Variants in CPXM2 observed in about 807,000 individuals in gnomAD.
The protein encoded by CPXM2 is carboxypeptidase X, M14 family member 2, also known as inactive carboxypeptidase-like protein X2.
CPXM2 carries 66 observed loss-of-function variants against 86.1 expected under a neutral mutation model. The ratio of observed to expected loss-of-function variants is 0.77; its 90% CI spans 0.63 to 0.94. CPXM2 has a LOEUF of 0.94. CPXM2 is among the 40% of genes least tolerant of loss of function. The pLI is 0.00. For missense variants in CPXM2, 948 were observed against 1,026.3 expected, an observed-to-expected ratio of 0.92 and a Z score of 1.04; for synonymous variants, 388 against 400.2, an observed-to-expected ratio of 0.97 and a Z score of 0.36.
At chr10:123,855,602 G>T (rs893806143) in intron 3 of CPXM2, among the ~76,000 whole-genome samples, 1 of 152,182 alleles carries the variant, frequency 6.6e-6, no homozygotes, top group African/African-American at 2.4e-5. Context: ...AGGGAGACAC[G>T]TACAGGACGT....
intron 3 of CPXM2, among the ~76,000 whole-genome samples, chr10:123,861,461 G>C (rs117030963): frequency 0.017 from 2,537 of 152,282 alleles, 37 homozygotes; most frequent in Non-Finnish European, 0.025. Context: ...AGATGTCCAC[G>C]CTCTAATCCG....
chr10:123,935,681 C>A (rs9702623), intron 2 of CPXM2, among the ~76,000 whole-genome samples: 92,068 of 152,036 alleles, frequency 0.61, 29,036 homozygotes, highest in African/African-American at 0.79. Context: ...AAAAATAGCC[C>A]AGACAAGGAT....
At chr10:123,862,574 AC>A (rs1848875044) in intron 3 of CPXM2, 39 bp downstream of exon 3, 4 of 1,563,376 alleles carry the variant, frequency 2.6e-6, no homozygotes, top group African/African-American at 1.4e-5. Flanking sequence ...AGAGCAATAA[AC>A]AAGGCAGTCA....
At chr10:123,930,533 G>A (rs1395726415) in intron 2 of CPXM2, among the ~76,000 whole-genome samples, 12 of 152,146 alleles carry the variant, frequency 7.9e-5, no homozygotes. Context: ...CCAGATTCCT[G>A]GACCCTGCTT....
Position 123,794,764 on chromosome 10 carries a change from TGTGTGC to T in CPXM2, c.889+3206_889+3211del, listed in dbSNP as rs1338423483. Among the ~76,000 whole-genome samples, 465 of 151,222 alleles carry T rather than the reference TGTGTGC, an allele frequency of 3.1e-3. 2 individuals are homozygous for T. Among genetic ancestry groups the T allele is most frequent in the African/African-American group, 0.011 (450 of 40,792 alleles). ...GTGTGTGTGTGTGTGTGTGTGTGTGTGTGTGCGCATGTGTGTGTGTATTTGAGACAG... is the reference window on the plus strand; with the variant it reads ...GTGTGTGTGTGTGTGTGTGTGTGTGTGCATGTGTGTGTGTATTTGAGACAG... On this transcript the variant is annotated intron_variant, in intron 6 of 13. Transcript: ENST00000241305.
At chr10:123,882,803 T>C (rs1182393921) in intron 1 of CPXM2, among the ~76,000 whole-genome samples, 1 of 101,950 alleles carries the variant, frequency 9.8e-6, no homozygotes, top group Admixed American at 1.4e-4. Context: ...CATAACACCA[T>C]GGCCTGAAAA....
intron 6 of CPXM2, among the ~76,000 whole-genome samples, chr10:123,785,934 A>T (rs1847044563): frequency 6.6e-6 from 1 of 152,152 alleles, no homozygotes; most frequent in African/African-American, 2.4e-5. Context: ...CGCCCAGCCC[A>T]CTTTAGCTTC....
At position 123,865,631 on chromosome 10, in the gene CPXM2, C is replaced by T. The variant is rs1344375369; in HGVS notation, c.404-2908G>A. 6.6e-6 allele frequency among the ~76,000 whole-genome samples: 1 copy of T among 152,164 alleles called. No homozygotes were observed. The highest frequency in any genetic ancestry group is 1.9e-4 in the East Asian group (1 of 5,180). On this transcript the variant is annotated intron_variant, in intron 2 of 13. Coordinates refer to ENST00000241305, the MANE Select transcript of CPXM2 (RefSeq NM_198148.3). This position sits in a 1 kb window ranked among gnomAD's most constrained non-coding sequence, Gnocchi z 4.7. ...CCAGAGAGGGCCTGACTCACCTGGT[C>T]CCCTGGCTGCCCACTGGGATCAGGG...
chr10:123,854,420 T>C (rs1420014436), intron 3 of CPXM2, among the ~76,000 whole-genome samples: 7 of 125,346 alleles, frequency 5.6e-5, no homozygotes, highest in Admixed American at 1.8e-4. Flanking sequence ...ATATAAAATA[T>C]ATAATATATA....
chr10:123,904,912 A>ATCTGCATCCTGTGCCCTCCCCCC (rs1184917723), intron 2 of CPXM2, among the ~76,000 whole-genome samples: 2 of 131,660 alleles, frequency 1.5e-5, no homozygotes, highest in Admixed American at 8.2e-5. Flanking sequence ...GCTCTGCATC[A>ATCTGCATCCTGTGCCCTCCCCCC]CACCTGCATC....
At chr10:123,803,118 C>CTTTTTTTTTTTTTTTTTTTTT (rs532954173) in intron 4 of CPXM2, among the ~76,000 whole-genome samples, 7 of 63,632 alleles carry the variant, frequency 1.1e-4, no homozygotes, top group Non-Finnish European at 2.2e-4. Flanking sequence ...TTGTAGTACC[C>CTTTTTTTTTTTTTTTTTTTTT]TTTTTTTTTT....
Position 123,762,067 on chromosome 10 carries a change from C to T in CPXM2, c.1582G>A (p.Asp528Asn), listed in dbSNP as rs1217291885. The T allele has an allele frequency of 1.3e-5, 21 of 1,614,030 alleles. No individual in the cohort carries two copies. In the Admixed American group the frequency reaches 2.5e-4, roughly 19 times the overall value. Residue 528 changes from aspartate (D) to asparagine (N), a missense_variant, in exon 11 of 14, where the codon GAC (aspartate) becomes AAC (asparagine). Transcript: ENST00000241305. The part of the protein sequence containing the change: ...GGELVVAYPY[D>N]LVRSPWKTQE... ...GTCTTCCAGGGGGACCGCACCAGGT[C>T]GTAGGGGTACGCCACCACCAGCTCG... is the stretch of plus-strand genomic sequence containing the variant.
intron 12 of CPXM2, among the ~76,000 whole-genome samples, chr10:123,756,406 C>T (rs1054718982): frequency 3.3e-5 from 5 of 152,164 alleles, no homozygotes; most frequent in Admixed American, 6.5e-5. Flanking sequence ...TGACAGCCTA[C>T]GGCAGGGAGG....
At chr10:123,770,312 A>C (rs981168042) in intron 8 of CPXM2, among the ~76,000 whole-genome samples, 9 of 151,918 alleles carry the variant, frequency 5.9e-5, no homozygotes, top group African/African-American at 1.5e-4. Flanking sequence ...CAAAACAAAC[A>C]AAAAAAACCA....
chr10:123,748,873 C>T (rs1048260954), intron 13 of CPXM2, among the ~76,000 whole-genome samples: 9 of 152,028 alleles, frequency 5.9e-5, no homozygotes, highest in African/African-American at 2.2e-4. Flanking sequence ...CCTCTCCCCT[C>T]TCCATGCTAC....
intron 4 of CPXM2, among the ~76,000 whole-genome samples, chr10:123,827,360 T>C (rs900836774): frequency 3.9e-5 from 6 of 152,116 alleles, no homozygotes; most frequent in African/African-American, 1.4e-4. Flanking sequence ...CCAACAAAGA[T>C]TGCCCACCAA....
intron 4 of CPXM2, among the ~76,000 whole-genome samples, chr10:123,826,855 C>T (rs796208817): frequency 6.6e-6 from 1 of 151,942 alleles, no homozygotes; most frequent in South Asian, 2.1e-4. Flanking sequence ...AGACACAGCT[C>T]ACAATAAGGC....
intron 4 of CPXM2, among the ~76,000 whole-genome samples, chr10:123,826,216 C>T (rs554708545): frequency 6.6e-6 from 1 of 152,262 alleles, no homozygotes; most frequent in African/African-American, 2.4e-5. Context: ...CACTGCTAAG[C>T]TTACTCCCCC....
chr10:123,839,582 C>A (rs1025477562), intron 4 of CPXM2, among the ~76,000 whole-genome samples: 3 of 152,042 alleles, frequency 2.0e-5, no homozygotes, highest in Non-Finnish European at 4.4e-5. Flanking sequence ...AATATGAAAA[C>A]CAAACAACAG....
Sources: gnomAD v4.1 joint callset for allele counts (sites outside exome capture counted in the v4.1 genomes callset) on GRCh38, gnomAD v4.1.1 for gene constraint, Gnocchi (gnomAD v3.1) non-coding constraint, MANE v1.5 for transcripts, NCBI Gene and HGNC (gene_info 2026-07-23, HGNC 2026-07-21) for gene names.